Variants in EPHB3 observed in about 807,000 individuals in gnomAD.
The protein encoded by EPHB3 is EPH receptor B3.
EPHB3 carries 33 observed loss-of-function variants against 100.2 expected under a neutral mutation model. The ratio of observed to expected loss-of-function variants is 0.33; its 90% CI spans 0.25 to 0.44. The LOEUF is 0.44. EPHB3 is among the 20% of genes least tolerant of loss of function. EPHB3 has a pLI of 1.00. For synonymous variants in EPHB3, 526 were observed against 554.7 expected (o/e 0.95, Z 0.73); for missense variants, 1,045 against 1,378.3 (o/e 0.76, Z 3.83).
chr3:184,577,155 G>A lies in EPHB3; in HGVS notation c.1326G>A (p.Ala442=), dbSNP rs760437107. The A allele has an allele frequency of 4.4e-6, 7 of 1,605,514 alleles. No homozygotes were observed. Among genetic ancestry groups the A allele is most frequent in the Middle Eastern group, 1.7e-4 (1 of 6,028 alleles). ...AGAGCCCTCTGCCGCCTCGTTATGCGGCCGTGAATATCACCACAAACCAGG... is the reference window on the plus strand; with the variant it reads ...AGAGCCCTCTGCCGCCTCGTTATGCAGCCGTGAATATCACCACAAACCAGG... ...SGKSPLPPRY[A]AVNITTNQAA... is the part of the protein sequence containing the mutation. Residue 442 remains alanine (A), a synonymous_variant, in exon 5 of 16, where the codon GCG becomes GCA. Coordinates refer to ENST00000330394, the MANE Select transcript of EPHB3 (RefSeq NM_004443.4). This position sits in a 1 kb window ranked among gnomAD's most constrained non-coding sequence, Gnocchi z 4.9.
chr3:184,576,707 G>T, intron 4 of EPHB3, 135 bp from the exon 5 acceptor site: 1 of 807,300 alleles, frequency 1.2e-6, no homozygotes, highest in Non-Finnish European at 1.8e-6. Flanking sequence ...AAGAAATGTA[G>T]GAACGTTATT....
rs984558398 is a variant in EPHB3, at chr3:184,562,390, G to T, written c.118+37G>T. Reference sequence around the variant, plus strand: ...CGGGGGGCGCGCCCGGGAACAAGGTGCCTGGGGTCGCGGGGCTGCGGGCTA... The same window carrying T: ...CGGGGGGCGCGCCCGGGAACAAGGTTCCTGGGGTCGCGGGGCTGCGGGCTA... On this transcript the variant is annotated intron_variant, in intron 1 of 15. Coordinates refer to ENST00000330394, the MANE Select transcript of EPHB3 (RefSeq NM_004443.4). This position sits in a 1 kb window ranked among gnomAD's most constrained non-coding sequence, Gnocchi z 4.8. 38 of 1,199,870 alleles carry T rather than the reference G, an allele frequency of 3.2e-5. No individual in the cohort carries two copies. Among genetic ancestry groups the T allele is most frequent in the Admixed American group, 4.5e-5 (1 of 22,362 alleles). The allele number at this position is 1,199,870 out of a possible 1,614,324, so 74.3% of individuals were successfully genotyped here. A position where few individuals can be genotyped will look rare whatever the true frequency, so the allele number is the denominator to read the frequency against.
In EPHB3 at chr3:184,581,705, G is replaced by A; in HGVS notation, c.*83G>A. 2 of 1,341,376 alleles carry A rather than the reference G, an allele frequency of 1.5e-6. No homozygotes were observed. Among genetic ancestry groups the A allele is most frequent in the Non-Finnish European group, 2.0e-6 (2 of 995,764 alleles). 83.1% of individuals were successfully genotyped at this position (1,341,376 alleles called of 1,614,324 possible). A position where few individuals can be genotyped will look rare whatever the true frequency, so the allele number is the denominator to read the frequency against. On this transcript the variant is annotated 3_prime_UTR_variant, in exon 16 of 16. Coordinates refer to ENST00000330394, the MANE Select transcript of EPHB3 (RefSeq NM_004443.4). ...CTTTCGGACTCTTGGACTTTTGGAT[G>A]CCTGGCCTTAGGCTGTGGCCCAGAA...
In EPHB3 at chr3:184,572,725, C is replaced by T. The variant is rs541541992; in HGVS notation, c.405C>T (p.Tyr135=). The part of the protein sequence containing the change: ...SCKETFNLFY[Y]EADSDVASAS... ...AGGAGACCTTCAACCTCTTCTACTA[C>T]GAGGCTGACAGCGATGTGGCCTCAG... Residue 135 remains tyrosine, a synonymous_variant, in exon 3 of 16, where the codon TAC becomes TAT. Transcript: ENST00000330394. The surrounding 1 kb of genome is among the most constrained non-coding windows in gnomAD (Gnocchi z 6.6). The T allele has an allele frequency of 6.0e-5, 97 of 1,613,016 alleles. No homozygotes were observed. The highest frequency in any genetic ancestry group is 3.1e-4 in the African/African-American group (23 of 75,038).
Position 184,572,444 on chromosome 3 carries a change from G to A in EPHB3, c.184-60G>A, listed in dbSNP as rs1199484927. The A allele has an allele frequency of 1.9e-5, 29 of 1,508,050 alleles. No individual in the cohort carries two copies. Among genetic ancestry groups the A allele is most frequent in the African/African-American group, 7.0e-5 (5 of 71,112 alleles). The allele number at this position is 1,508,050 out of a possible 1,614,324, so 93.4% of individuals were successfully genotyped here. A position where few individuals can be genotyped will look rare whatever the true frequency, so the allele number is the denominator to read the frequency against. On this transcript the variant is annotated intron_variant, in intron 2 of 15. Coordinates refer to ENST00000330394, the MANE Select transcript of EPHB3 (RefSeq NM_004443.4). The surrounding 1 kb of genome is among the most constrained non-coding windows in gnomAD (Gnocchi z 6.6). Reference sequence around the variant, plus strand: ...AAGTAAATAGAGCAGATCTGGGCACGAGGGAAGCACTTGGCAAATGCAGGC... The same window carrying A: ...AAGTAAATAGAGCAGATCTGGGCACAAGGGAAGCACTTGGCAAATGCAGGC...
At chr3:184,570,342 C>A (rs779545217) in intron 1 of EPHB3, among the ~76,000 whole-genome samples, 3 of 152,232 alleles carry the variant, frequency 2.0e-5, no homozygotes, top group Non-Finnish European at 4.4e-5. Flanking sequence ...ACACCTGAAC[C>A]TGATCCACCC....
At chr3:184,576,027 C>T in intron 4 of EPHB3, 42 bp downstream of exon 4, 5 of 1,557,584 alleles carry the variant, frequency 3.2e-6, no homozygotes, top group Non-Finnish European at 4.4e-6. Context: ...GCAGGCCTTC[C>T]CTCTGGGGGG....
At chr3:184,575,204 GTCC>G in intron 3 of EPHB3, 1 of 985,396 alleles carries the variant, frequency 1.0e-6, no homozygotes, top group Non-Finnish European at 1.2e-6. Context: ...TCTGGGGTGA[GTCC>G]CCTTGTGGAC....
rs754095515 is a variant in EPHB3 at position 184,581,050 on chromosome 3, G to T, written c.2617G>T (p.Asp873Tyr). ...CACAGCACTGCACCAGCTCATGCTG[G>T]ACTGCTGGGTGCGGGACCGGAACCT... ...CPTALHQLML[D>Y]CWVRDRNLRP... The change falls in exon 14 of 16, where the codon GAC becomes TAC. Residue 873 changes from aspartate to tyrosine, a missense_variant. Asp to Tyr is a radical substitution (Grantham distance 160). This residue lies in a region of EPHB3 where 985 missense variants were observed against 1,331.1 expected (regional missense o/e 0.74). Transcript: ENST00000330394. 4.3e-6 allele frequency: 7 copies of T among 1,614,162 alleles called. No homozygotes were observed. The highest frequency in any genetic ancestry group is 5.9e-6 in the Non-Finnish European group (7 of 1,180,028).
rs1255185544 is a variant in EPHB3 at position 184,580,689 on chromosome 3, C to T, written c.2389-40C>T. On this transcript the variant is annotated intron_variant, in intron 12 of 15. Coordinates refer to ENST00000330394, the MANE Select transcript of EPHB3 (RefSeq NM_004443.4). ...CAGGGGCTCGGGCCTGGGGGGCAGC[C>T]CGGAGTCACAGGGTGAAGGGCCTGT... The T allele has an allele frequency of 4.3e-6, 7 of 1,610,388 alleles. No individual in the cohort carries two copies. The African/African-American group carries it at 9.3e-5, about 22-fold the overall frequency.
Position 184,572,415 on chromosome 3 carries a change from T to C in EPHB3, c.184-89T>C. The C allele has an allele frequency of 3.5e-6, 5 of 1,419,052 alleles. No homozygotes were observed. Among genetic ancestry groups the C allele is most frequent in the Non-Finnish European group, 4.7e-6 (5 of 1,072,154 alleles). 87.9% of individuals were successfully genotyped at this position (1,419,052 alleles called of 1,614,324 possible). On this transcript the variant is annotated intron_variant, in intron 2 of 15. Transcript: ENST00000330394. This position sits in a 1 kb window ranked among gnomAD's most constrained non-coding sequence, Gnocchi z 6.6. The stretch of plus-strand genomic sequence containing the variant: ...CCACTGCACACCATAGAAGCATCCC[T>C]GTGAAGTAAATAGAGCAGATCTGGG...
chr3:184,569,989 T>C lies in EPHB3; in HGVS notation c.119-1329T>C, dbSNP rs1368758787. On this transcript the variant is annotated intron_variant, in intron 1 of 15. Transcript: ENST00000330394. This position sits in a 1 kb window ranked among gnomAD's most constrained non-coding sequence, Gnocchi z 5.4. ...CAGGTCTAATCTGGGGGTCACACTG[T>C]CTTTCAGAGAGTAGGGACATCCAGC... Among the ~76,000 whole-genome samples, 1 of 152,208 alleles carries C rather than the reference T, an allele frequency of 6.6e-6. No homozygotes were observed. The highest frequency in any genetic ancestry group is 1.5e-5 in the Non-Finnish European group (1 of 68,026).
chr3:184,575,575 TTCG>T (rs1714654276), intron 3 of EPHB3, among the ~76,000 whole-genome samples: 1 of 151,738 alleles, frequency 6.6e-6, no homozygotes, highest in South Asian at 2.1e-4. Flanking sequence ...GGCTGACGTC[TTCG>T]TCCATGAGGC....
rs1048107547 is a variant in EPHB3, at chr3:184,569,107, C to T, written c.119-2211C>T. ...TAAACAGTTCCAGATGGGTTTGGCA[C>T]AGGCTGAGCAGAAGGAAGTGAGGGA... is the stretch of plus-strand genomic sequence containing the variant. On this transcript the variant is annotated intron_variant, in intron 1 of 15. Coordinates refer to ENST00000330394, the MANE Select transcript of EPHB3 (RefSeq NM_004443.4). This position sits in a 1 kb window ranked among gnomAD's most constrained non-coding sequence, Gnocchi z 5.4. Among the ~76,000 whole-genome samples, 1 of 152,140 alleles carries T rather than the reference C, an allele frequency of 6.6e-6. No individual in the cohort carries two copies. The highest frequency in any genetic ancestry group is 2.4e-5 in the African/African-American group (1 of 41,434).
chr3:184,562,441 G>C lies in EPHB3; in HGVS notation c.118+88G>C. The C allele has an allele frequency of 7.1e-6, 8 of 1,128,622 alleles. No homozygotes were observed. Among genetic ancestry groups the C allele is most frequent in the Non-Finnish European group, 8.7e-6 (8 of 921,194 alleles). The allele number at this position is 1,128,622 out of a possible 1,614,324, so 69.9% of individuals were successfully genotyped here. A position where few individuals can be genotyped will look rare whatever the true frequency, so the allele number is the denominator to read the frequency against. ...GCAGCGTGGGTCCGACCCGGATTGAGCGCACGTCGGAGGAGGCCCCGCCAC... is the reference window on the plus strand; with the variant it reads ...GCAGCGTGGGTCCGACCCGGATTGACCGCACGTCGGAGGAGGCCCCGCCAC... On this transcript the variant is annotated intron_variant, in intron 1 of 15. Transcript: ENST00000330394. The surrounding 1 kb of genome is among the most constrained non-coding windows in gnomAD (Gnocchi z 4.8).
intron 1 of EPHB3, among the ~76,000 whole-genome samples, chr3:184,567,680 C>T (rs546711144): frequency 1.3e-5 from 2 of 152,294 alleles, no homozygotes; most frequent in Admixed American, 6.5e-5. Flanking sequence ...AGCATGTCGC[C>T]AAGTCTATAC....
rs771080330 is a variant in EPHB3 at position 184,580,461 on chromosome 3, C to T, written c.2232C>T (p.Ala744=). ...TGGGCATGTTGCGGGGCATTGCTGC[C>T]GGCATGAAGTACCTGTCCGAGATGA... ...QLVGMLRGIA[A]GMKYLSEMNY... is the part of the protein sequence containing the mutation. The change falls in exon 12 of 16, where the codon GCC becomes GCT. Residue 744 remains alanine (A), a synonymous_variant. Transcript: ENST00000330394. 30 of 1,614,064 alleles carry T rather than the reference C, an allele frequency of 1.9e-5. No homozygotes were observed. Among genetic ancestry groups the T allele is most frequent in the African/African-American group, 4.0e-5 (3 of 74,936 alleles).
At chr3:184,576,782 G>A in intron 4 of EPHB3, 60 bp from the exon 5 acceptor site, 1 of 1,481,558 alleles carries the variant, frequency 6.7e-7, no homozygotes, top group East Asian at 2.4e-5. Context: ...TGGAACTCCG[G>A]GCAGAGGGAT....
Position 184,562,775 on chromosome 3 carries a change from C to T in EPHB3, c.118+422C>T, listed in dbSNP as rs1225657704. Among the ~76,000 whole-genome samples the T allele has an allele frequency of 1.3e-5, 2 of 152,164 alleles. No homozygotes were observed. The highest frequency in any genetic ancestry group is 2.9e-5 in the Non-Finnish European group (2 of 68,012). On this transcript the variant is annotated intron_variant, in intron 1 of 15. Coordinates refer to ENST00000330394, the MANE Select transcript of EPHB3 (RefSeq NM_004443.4). The surrounding 1 kb of genome is among the most constrained non-coding windows in gnomAD (Gnocchi z 4.8). ...AAGCGGGACTCCCCGGGTTGGGGGG[C>T]GCTAATGAGGAGCCCGTTGGAGTTA...
Sources: allele counts gnomAD v4.1 joint callset (sites outside exome capture counted in the v4.1 genomes callset), GRCh38; gene constraint gnomAD v4.1.1; regional missense constraint gnomAD v4.1.1; non-coding constraint Gnocchi (gnomAD v3.1); transcripts MANE v1.5; gene names NCBI Gene and HGNC (gene_info 2026-07-23, HGNC 2026-07-21).